The following FA2H variants were observed in gnomAD, a reference collection of about 807,000 sequenced individuals.
FA2H encodes the protein fatty acid 2-hydroxylase.
Under a neutral mutation model 44.9 loss-of-function variants are expected in FA2H, and 22 were observed. The ratio of observed to expected loss-of-function variants is 0.49; its 90% CI spans 0.35 to 0.70. FA2H has a LOEUF of 0.70. Among genes scored for constraint, FA2H ranks in the 30% least tolerant of loss-of-function variants. FA2H has a pLI of 0.01. For missense variants in FA2H, 501 were observed against 504.9 expected (o/e 0.99, Z 0.07); for synonymous variants, 243 against 213.2 (o/e 1.14, Z -1.22).
intron 4 of FA2H, among the ~76,000 whole-genome samples, chr16:74,720,827 A>G (rs1172874418): frequency 1.3e-5 from 2 of 152,198 alleles, no homozygotes; most frequent in African/African-American, 2.4e-5. Flanking sequence ...CGTCAATTGA[A>G]TCATATGACA....
At position 74,733,352 on chromosome 16, in the gene FA2H, C is replaced by T. The variant is rs544075628; in HGVS notation, c.364-5966G>A. Among the ~76,000 whole-genome samples, 8 of 152,312 alleles carry T rather than the reference C, an allele frequency of 5.3e-5. No individual in the cohort carries two copies. In the South Asian group the frequency reaches 1.7e-3, roughly 32 times the overall value. ...ACAGAAATTCAGGCCCGCCGACCCC[C>T]GACCCAATTTATAGATGAGGATATT... On this transcript the variant is annotated intron_variant, in intron 2 of 6. Transcript: ENST00000219368.
At chr16:74,755,346 A>C (rs1392688004) in intron 1 of FA2H, among the ~76,000 whole-genome samples, 1 of 151,916 alleles carries the variant, frequency 6.6e-6, no homozygotes, top group East Asian at 1.9e-4. Flanking sequence ...CACCCAGCTA[A>C]TTTTTGTATT....
intron 5 of FA2H, among the ~76,000 whole-genome samples, chr16:74,718,670 T>G (rs1389138341): frequency 6.6e-6 from 1 of 152,214 alleles, no homozygotes; most frequent in African/African-American, 2.4e-5. Flanking sequence ...GAACAGTGTC[T>G]CGCACACAGG....
At chr16:74,740,420 C>T (rs1962269248) in intron 1 of FA2H, among the ~76,000 whole-genome samples, 1 of 151,906 alleles carries the variant, frequency 6.6e-6, no homozygotes, top group Non-Finnish European at 1.5e-5. Context: ...AGTTTGAGAC[C>T]AGCCTGGCCA....
chr16:74,753,915 C>T (rs1006423140), intron 1 of FA2H, among the ~76,000 whole-genome samples: 5 of 152,292 alleles, frequency 3.3e-5, no homozygotes, highest in Middle Eastern at 3.4e-3. Flanking sequence ...ATATAATCTA[C>T]GCACATTAAT....
chr16:74,729,876 A>G (rs1453240040), intron 2 of FA2H, among the ~76,000 whole-genome samples: 1 of 152,038 alleles, frequency 6.6e-6, no homozygotes, highest in Non-Finnish European at 1.5e-5. Context: ...GCCAATCTTC[A>G]GCACGGGGAG....
chr16:74,761,923 T>C (rs760296992), intron 1 of FA2H, among the ~76,000 whole-genome samples: 31 of 152,224 alleles, frequency 2.0e-4, no homozygotes, highest in Non-Finnish European at 4.4e-4. Flanking sequence ...TCAAAAGAGA[T>C]AGACCTGTTA....
intron 1 of FA2H, among the ~76,000 whole-genome samples, chr16:74,766,455 T>C (rs1057272919): frequency 2.0e-5 from 3 of 152,152 alleles, no homozygotes; most frequent in Non-Finnish European, 4.4e-5. Context: ...ACTTAAGGGA[T>C]ATGGCAATAG....
intron 5 of FA2H, among the ~76,000 whole-genome samples, chr16:74,717,796 G>A (rs1301529058): frequency 6.6e-6 from 1 of 152,234 alleles, no homozygotes; most frequent in Non-Finnish European, 1.5e-5. Context: ...TGGGGCCCCA[G>A]AATGGCCTGA....
intron 1 of FA2H, among the ~76,000 whole-genome samples, chr16:74,756,204 C>G (rs995371020): frequency 4.6e-5 from 7 of 152,222 alleles, no homozygotes; most frequent in African/African-American, 1.7e-4. Context: ...CAGGCCTCCC[C>G]TCTAACCACA....
intron 2 of FA2H, 91 bp from the exon 3 acceptor site, chr16:74,727,477 C>G (rs1961984846): frequency 5.8e-6 from 8 of 1,383,858 alleles, no homozygotes; most frequent in Non-Finnish European, 8.2e-6. Context: ...CAATCCCCTG[C>G]TCCTACCTCA....
chr16:74,729,103 C>T (rs192479304), intron 2 of FA2H, among the ~76,000 whole-genome samples: 294 of 142,390 alleles, frequency 2.1e-3, no homozygotes, highest in African/African-American at 6.6e-3. Flanking sequence ...CTCCGCCTCC[C>T]GGGTTCAAGT....
At chr16:74,735,213 C>G (rs1300859305) in intron 2 of FA2H, among the ~76,000 whole-genome samples, 1 of 152,186 alleles carries the variant, frequency 6.6e-6, no homozygotes, top group Non-Finnish European at 1.5e-5. Flanking sequence ...AGATTGGGAT[C>G]CCATGGCTGT....
At chr16:74,772,063 T>C (rs1176851737) in intron 1 of FA2H, among the ~76,000 whole-genome samples, 4 of 151,862 alleles carry the variant, frequency 2.6e-5, no homozygotes, top group Non-Finnish European at 4.4e-5. Context: ...TGGCTTCCCA[T>C]TTTTGTTAGA....
chr16:74,713,085 G>C lies in FA2H; in HGVS notation c.*1105C>G, dbSNP rs1298624944. 2 of 152,580 alleles carry C rather than the reference G, an allele frequency of 1.3e-5. No homozygotes were observed. Among genetic ancestry groups the C allele is most frequent in the South Asian group, 2.1e-4 (1 of 4,832 alleles). 9.5% of individuals were successfully genotyped at this position (152,580 alleles called of 1,614,324 possible). A position where few individuals can be genotyped will look rare whatever the true frequency, so the allele number is the denominator to read the frequency against. On this transcript the variant is annotated 3_prime_UTR_variant, in exon 7 of 7. Transcript: ENST00000219368. ...CCGCAGCAAACAGTACAAATCACAA[G>C]GTCCGTCAAACTGCTTCTCTTTAGC...
intron 1 of FA2H, among the ~76,000 whole-genome samples, chr16:74,751,351 CT>C (rs763566170): frequency 5.3e-5 from 8 of 152,164 alleles, no homozygotes; most frequent in Non-Finnish European, 7.3e-5. Flanking sequence ...CCGCCTTGGC[CT>C]CCCAAAGTGC....
chr16:74,736,789 C>T (rs934631684), intron 2 of FA2H, among the ~76,000 whole-genome samples: 1 of 152,166 alleles, frequency 6.6e-6, no homozygotes, highest in African/African-American at 2.4e-5. Context: ...CCCTCTCCTA[C>T]TCACCGGCCT....
chr16:74,774,357 A>T, intron 1 of FA2H, 129 bp downstream of exon 1: 1 of 854,266 alleles, frequency 1.2e-6, no homozygotes, highest in Non-Finnish European at 1.7e-6. Context: ...GAAGAGAGGG[A>T]AAGCGAGGGA....
At chr16:74,728,705 G>T (rs991177888) in intron 2 of FA2H, among the ~76,000 whole-genome samples, 2 of 151,934 alleles carry the variant, frequency 1.3e-5, no homozygotes, top group Non-Finnish European at 2.9e-5. Flanking sequence ...CCAGAGGCAG[G>T]GAGAAAATAT....
Sources: gnomAD v4.1 joint callset for allele counts (sites outside exome capture counted in the v4.1 genomes callset) on GRCh38, gnomAD v4.1.1 for gene constraint, MANE v1.5 for transcripts, NCBI Gene and HGNC (gene_info 2026-07-23, HGNC 2026-07-21) for gene names.